PLXNA2: variants seen among roughly 807,000 people sequenced by gnomAD.
PLXNA2 encodes plexin-A2.
A neutral mutation model predicts 193.5 loss-of-function variants in PLXNA2; 91 were observed. The ratio of observed to expected loss-of-function variants is 0.47; its 90% confidence interval spans 0.40 to 0.56. The LOEUF is 0.56. Among genes scored for constraint, PLXNA2 ranks in the 20% least tolerant of loss-of-function variants. The probability of loss-of-function intolerance (pLI) is 0.00; values close to 1 mark genes in which losing one functional copy is unlikely to be tolerated. For missense variants in PLXNA2, 1,995 were observed against 2,503.2 expected (o/e 0.80, Z 4.33); for synonymous variants, 997 against 1,027.3 (o/e 0.97, Z 0.56).
chr1:208,072,895 G>C (rs538730004), intron 12 of PLXNA2, among the ~76,000 whole-genome samples: 1 of 152,186 alleles, frequency 6.6e-6, no homozygotes, highest in Non-Finnish European at 1.5e-5. Context: ...TTCTGATCCT[G>C]CACGCAGAGA....
chr1:208,077,324 G>A (rs1666191865), intron 12 of PLXNA2, among the ~76,000 whole-genome samples: 1 of 152,180 alleles, frequency 6.6e-6, no homozygotes, highest in South Asian at 2.1e-4. Context: ...TTACCTCGGG[G>A]GGTTAATTAG....
chr1:208,039,953 T>C (rs749622109), intron 23 of PLXNA2, 39 bp downstream of exon 23: 1 of 1,606,544 alleles, frequency 6.2e-7, no homozygotes, highest in Non-Finnish European at 8.5e-7. Context: ...AGTGCCATCC[T>C]GCCCTGGACG....
intron 11 of PLXNA2, among the ~76,000 whole-genome samples, chr1:208,080,531 G>A (rs140650304): frequency 7.7e-4 from 117 of 152,264 alleles, no homozygotes; most frequent in African/African-American, 2.2e-3. Context: ...GTGGTATGCC[G>A]TTGCTGAAAG....
At position 208,046,100 on chromosome 1, in the gene PLXNA2, G is replaced by A; in HGVS notation, c.3273C>T (p.Asn1091=). 1.2e-6 allele frequency: 2 copies of A among 1,614,140 alleles called. No individual in the cohort carries two copies. Among genetic ancestry groups the A allele is most frequent in the Non-Finnish European group, 1.7e-6 (2 of 1,179,982 alleles). ...GTGCCAGGCAGGTGAGGGTGGTTGT[G>A]TTCACAACTTTACACACCTAAGAGA... ...KESVNVCKVV[N]TTTLTCLAPS... Residue 1091 remains asparagine (N), a synonymous_variant, in exon 18 of 32, where the codon AAC becomes AAT. Transcript: ENST00000367033.
intron 3 of PLXNA2, among the ~76,000 whole-genome samples, chr1:208,194,460 C>CAAAAA (rs10522096): frequency 9.6e-5 from 9 of 93,986 alleles, no homozygotes; most frequent in East Asian, 8.5e-4. Context: ...CAGCTTACTG[C>CAAAAA]AAAAAAAAAA....
chr1:208,102,779 C>G (rs1207643319), intron 5 of PLXNA2, among the ~76,000 whole-genome samples: 1 of 152,224 alleles, frequency 6.6e-6, no homozygotes, highest in East Asian at 1.9e-4. Flanking sequence ...CCACCATCTG[C>G]ACACTCTTGG....
intron 1 of PLXNA2, among the ~76,000 whole-genome samples, chr1:208,231,837 A>G (rs1671701640): frequency 6.6e-6 from 1 of 152,176 alleles, no homozygotes; most frequent in African/African-American, 2.4e-5. Context: ...TAAACATGTC[A>G]CTTGGCTTCT....
intron 15 of PLXNA2, among the ~76,000 whole-genome samples, chr1:208,052,038 T>C (rs915418728): frequency 1.3e-5 from 2 of 152,196 alleles, no homozygotes; most frequent in Non-Finnish European, 2.9e-5. Flanking sequence ...ACTCAATGAA[T>C]GCTTGATCCT....
intron 12 of PLXNA2, among the ~76,000 whole-genome samples, chr1:208,073,291 T>C (rs527770808): frequency 2.0e-5 from 3 of 152,316 alleles, no homozygotes; most frequent in South Asian, 4.1e-4. Flanking sequence ...TCAGTCCTTC[T>C]ACACAGGACA....
At chr1:208,029,332 A>G (rs1193094) in intron 29 of PLXNA2, 1 of 1,221,676 alleles carries the variant, frequency 8.2e-7, no homozygotes, top group Non-Finnish European at 1.0e-6. Flanking sequence ...TTTCTAAAGG[A>G]CTCTGTGCCC....
intron 1 of PLXNA2, among the ~76,000 whole-genome samples, chr1:208,223,655 G>A (rs1292292646): frequency 1.3e-5 from 2 of 152,194 alleles, no homozygotes; most frequent in East Asian, 1.9e-4. Flanking sequence ...ACTCAGGACC[G>A]TCACCTATGC....
intron 1 of PLXNA2, among the ~76,000 whole-genome samples, chr1:208,226,798 T>C (rs1671525529): frequency 6.6e-6 from 1 of 152,168 alleles, no homozygotes; most frequent in Non-Finnish European, 1.5e-5. Flanking sequence ...CATCCCCTGC[T>C]CCCCCTTCCT....
intron 4 of PLXNA2, among the ~76,000 whole-genome samples, chr1:208,112,173 C>T (rs1048111094): frequency 1.3e-5 from 2 of 152,124 alleles, no homozygotes; most frequent in South Asian, 2.1e-4. Flanking sequence ...CATAAAAACT[C>T]AGCAGAGGTC....
chr1:208,117,128 A>C (rs1297362712), intron 4 of PLXNA2, among the ~76,000 whole-genome samples: 1 of 152,142 alleles, frequency 6.6e-6, no homozygotes, highest in Non-Finnish European at 1.5e-5. Context: ...CCGGGATCAC[A>C]CCACTGCACT....
intron 12 of PLXNA2, among the ~76,000 whole-genome samples, chr1:208,075,309 CAA>C (rs10578909): frequency 0.26 from 38,615 of 147,394 alleles, 5,116 homozygotes; most frequent in Admixed American, 0.33. Flanking sequence ...GACTCTGTCT[CAA>C]AAAAAAAAAA....
At chr1:208,071,172 G>T (rs571707447) in intron 12 of PLXNA2, among the ~76,000 whole-genome samples, 2 of 152,328 alleles carry the variant, frequency 1.3e-5, no homozygotes, top group African/African-American at 4.8e-5. Context: ...GAGCCTCCCA[G>T]AAGGAGAAGA....
chr1:208,135,748 T>C (rs887534567), intron 4 of PLXNA2, among the ~76,000 whole-genome samples: 2 of 152,194 alleles, frequency 1.3e-5, no homozygotes, highest in Non-Finnish European at 2.9e-5. Context: ...ATGGGTGCTC[T>C]CTACAGTCCT....
rs943970423 is a variant in PLXNA2, at chr1:208,043,079, G to C, written c.3999C>G (p.Pro1333=). The change falls in exon 21 of 32, where the codon CCC becomes CCG. Residue 1333 remains proline (P), a synonymous_variant. Coordinates refer to ENST00000367033, the MANE Select transcript of PLXNA2 (RefSeq NM_025179.4). The part of the protein sequence containing the change: ...RVLFPGIEDH[P]VLRELEVQGN... ...GCATTACCTCCAGCTCCCGCAGGAC[G>C]GGGTGGTCCTCGATGCCCGGGAACA... 1 of 1,613,694 alleles carries C rather than the reference G, an allele frequency of 6.2e-7. No homozygotes were observed. Among genetic ancestry groups the C allele is most frequent in the East Asian group, 2.2e-5 (1 of 44,894 alleles).
At chr1:208,050,655 AG>A (rs1426034034) in intron 17 of PLXNA2, among the ~76,000 whole-genome samples, 3 of 152,172 alleles carry the variant, frequency 2.0e-5, no homozygotes, top group Non-Finnish European at 2.9e-5. Flanking sequence ...CAAAAGAGAG[AG>A]ACCTCATCTC....
Sources: allele counts gnomAD v4.1 joint callset (sites outside exome capture counted in the v4.1 genomes callset), GRCh38; gene constraint gnomAD v4.1.1; transcripts MANE v1.5; gene names NCBI Gene and HGNC (gene_info 2026-07-23, HGNC 2026-07-21).